Variants in TBL1X observed in about 807,000 individuals in gnomAD.
TBL1X encodes transducin beta like 1 X-linked, also known as F-box-like/WD repeat-containing protein TBL1X.
A neutral mutation model predicts 50.7 loss-of-function variants in TBL1X; 10 were observed. That is an observed-to-expected ratio of 0.20 (90% CI 0.12 to 0.33). The LOEUF (loss-of-function observed/expected upper bound fraction) is 0.33. Among genes scored for constraint, TBL1X ranks in the 10% least tolerant of loss-of-function variants. TBL1X has a pLI of 1.00. For synonymous variants in TBL1X, 190 were observed against 214.7 expected, an observed-to-expected ratio of 0.88 and a Z score of 1.01; for missense variants, 340 against 504.4, an observed-to-expected ratio of 0.67 and a Z score of 3.12.
intron 2 of TBL1X, among the ~76,000 whole-genome samples, chrX:9,549,818 G>A (rs1391973022): frequency 9.0e-6 from 1 of 111,617 alleles, no homozygotes; most frequent in Non-Finnish European, 1.9e-5. Context: ...AGGAGGGCTG[G>A]GGGTCAGGAT....
chrX:9,469,663 G>A (rs901255092), intron 1 of TBL1X, among the ~76,000 whole-genome samples: 1 of 112,135 alleles, frequency 8.9e-6, no homozygotes, highest in African/African-American at 3.2e-5. Context: ...TGCATTATGA[G>A]TCTTGACACA....
chrX:9,481,507 A>G (rs1346932347), intron 1 of TBL1X, among the ~76,000 whole-genome samples: 1 of 112,347 alleles, frequency 8.9e-6, no homozygotes, highest in Non-Finnish European at 1.9e-5. Context: ...TTAAATACAA[A>G]TCTGTTTTCT....
chrX:9,576,871 G>A (rs1264904063), intron 2 of TBL1X, among the ~76,000 whole-genome samples: 4 of 109,317 alleles, frequency 3.7e-5, no homozygotes, highest in African/African-American at 1.3e-4. Flanking sequence ...GTGGTGGAGT[G>A]CACCTGTAGT....
intron 1 of TBL1X, among the ~76,000 whole-genome samples, chrX:9,479,970 G>GTGTGTGTGT (rs2081871803): frequency 3.6e-5 from 4 of 109,893 alleles, no homozygotes; most frequent in Admixed American, 1.9e-4. Context: ...GTGTGTTTGA[G>GTGTGTGTGT]ATGGAGTTTT....
At chrX:9,543,641 G>C (rs1327132170) in intron 2 of TBL1X, among the ~76,000 whole-genome samples, 1 of 111,760 alleles carries the variant, frequency 8.9e-6, no homozygotes, top group Non-Finnish European at 1.9e-5. Flanking sequence ...GGGTATAAGG[G>C]ATGTTGTCCA....
intron 2 of TBL1X, among the ~76,000 whole-genome samples, chrX:9,521,581 C>T (rs987523345): frequency 8.9e-6 from 1 of 111,928 alleles, no homozygotes; most frequent in African/African-American, 3.3e-5. Context: ...GGACCTCCTG[C>T]GGATACCCAA....
rs898816460 is a variant in TBL1X, at chrX:9,717,587, C to A, written c.*1341C>A. 8.8e-6 allele frequency: 1 copy of A among 113,122 alleles called. No homozygotes were observed. Among genetic ancestry groups the A allele is most frequent in the East Asian group, 2.8e-4 (1 of 3,592 alleles). The allele number at this position is 113,122 out of a possible 1,213,427, so 9.3% of individuals were successfully genotyped here. The stretch of plus-strand genomic sequence containing the variant: ...CGAAGAGCCGCGCGCCCTCTGGCCT[C>A]AAGGGAGCATTGGCAGAACCATAAG... On this transcript the variant is annotated 3_prime_UTR_variant, in exon 18 of 18. Coordinates refer to ENST00000645353, the MANE Select transcript of TBL1X (RefSeq NM_005647.4).
intron 2 of TBL1X, among the ~76,000 whole-genome samples, chrX:9,580,675 C>A (rs2082436240): frequency 9.0e-6 from 1 of 111,201 alleles, no homozygotes; most frequent in African/African-American, 3.3e-5. Context: ...TTGGTTCAGT[C>A]CAGAAAGGTG....
intron 3 of TBL1X, among the ~76,000 whole-genome samples, chrX:9,644,171 G>C (rs764860971): frequency 7.1e-5 from 8 of 112,376 alleles, no homozygotes; most frequent in Non-Finnish European, 1.5e-4. Context: ...TGTAGAAACT[G>C]TGTTCAGTCT....
At chrX:9,591,995 G>A (rs917680051) in intron 2 of TBL1X, among the ~76,000 whole-genome samples, 23 of 112,189 alleles carry the variant, frequency 2.1e-4, no homozygotes, top group African/African-American at 7.5e-4. Context: ...CTTTTGAGTT[G>A]GAATATAAAA....
rs142044426 is a variant in TBL1X, at chrX:9,688,215, A to G, written c.556A>G (p.Asn186Asp). Residue 186 changes from asparagine (N) to aspartate (D), a missense_variant, in exon 7 of 18, where the codon AAT (asparagine) becomes GAT (aspartate). By Grantham distance (23) the Asn-to-Asp change is conservative. Coordinates refer to ENST00000645353, the MANE Select transcript of TBL1X (RefSeq NM_005647.4). Reference sequence around the variant, plus strand: ...GACCTCAGCCGGCGTTTCCCACCAAAATCCATCGAAGAACAGAGAGGCCAC... The same window carrying G: ...GACCTCAGCCGGCGTTTCCCACCAAGATCCATCGAAGAACAGAGAGGCCAC... ...TTTSAGVSHQ[N>D]PSKNREATVN... The G allele has an allele frequency of 1.2e-5, 14 of 1,198,302 alleles. No homozygotes were observed. The African/African-American group carries it at 1.6e-4, about 14-fold the overall frequency.
chrX:9,697,170 GC>G (rs1337779710), intron 11 of TBL1X, among the ~76,000 whole-genome samples, 198 bp from the exon 12 acceptor site: 1 of 112,349 alleles, frequency 8.9e-6, no homozygotes, highest in Non-Finnish European at 1.9e-5. Flanking sequence ...ATAATAGATT[GC>G]TAATGAATTT....
At chrX:9,664,815 T>C (rs913289569) in intron 5 of TBL1X, among the ~76,000 whole-genome samples, 1 of 111,346 alleles carries the variant, frequency 9.0e-6, no homozygotes, top group African/African-American at 3.3e-5. Flanking sequence ...CTTGGCACTA[T>C]TGACAATGGC....
chrX:9,512,746 G>A (rs751897051), intron 2 of TBL1X, among the ~76,000 whole-genome samples: 16 of 111,270 alleles, frequency 1.4e-4, no homozygotes, highest in African/African-American at 1.3e-4. Flanking sequence ...TGATCCTCCC[G>A]CCTCAGCCTC....
chrX:9,613,994 A>C (rs1243735019), intron 2 of TBL1X, among the ~76,000 whole-genome samples: 81 of 109,084 alleles, frequency 7.4e-4, no homozygotes, highest in African/African-American at 2.3e-3. Flanking sequence ...TCAAAAAAAA[A>C]AAAAAAAAAG....
chrX:9,557,992 T>C (rs1038504254), intron 2 of TBL1X, among the ~76,000 whole-genome samples: 5 of 112,517 alleles, frequency 4.4e-5, no homozygotes, highest in African/African-American at 1.6e-4. Flanking sequence ...TGGAAATTTG[T>C]CCACAGACCC....
Position 9,711,786 on chromosome X carries a change from C to T in TBL1X, c.1605+10C>T, listed in dbSNP as rs769854054. On this transcript the variant is annotated intron_variant, in intron 16 of 17. Coordinates refer to ENST00000645353, the MANE Select transcript of TBL1X (RefSeq NM_005647.4). ...TATCTGGAATACTCAGGTAAGCTCC[C>T]GACCCCTACACCAAATCCTTTTAGT... The T allele has an allele frequency of 3.4e-5, 40 of 1,182,595 alleles. No homozygotes were observed. The East Asian group carries it at 1.1e-3, about 32-fold the overall frequency.
intron 2 of TBL1X, among the ~76,000 whole-genome samples, chrX:9,531,479 C>G (rs2082161623): frequency 9.3e-6 from 1 of 107,571 alleles, no homozygotes. Context: ...TCAATAATCG[C>G]TCATTTCTGG....
At chrX:9,466,256 C>T (rs969315843) in intron 1 of TBL1X, among the ~76,000 whole-genome samples, 12 of 112,394 alleles carry the variant, frequency 1.1e-4, no homozygotes, top group African/African-American at 3.9e-4. Context: ...GACCGGTGCT[C>T]GGAGTGGAGT....
Sources: allele counts gnomAD v4.1 joint callset (sites outside exome capture counted in the v4.1 genomes callset), GRCh38; gene constraint gnomAD v4.1.1; transcripts MANE v1.5; gene names NCBI Gene and HGNC (gene_info 2026-07-23, HGNC 2026-07-21).